FOXN3: variants seen among roughly 807,000 people sequenced by gnomAD.
FOXN3 encodes forkhead box protein N3.
A neutral mutation model predicts 38.4 loss-of-function variants in FOXN3; 7 were observed. The observed-to-expected ratio is 0.18, with a 90% CI of 0.10 to 0.34. The LOEUF (loss-of-function observed/expected upper bound fraction) is 0.34. FOXN3 is among the 10% of genes least tolerant of loss of function. The pLI is 1.00. For synonymous variants in FOXN3, 230 were observed against 242.2 expected, an observed-to-expected ratio of 0.95 and a Z score of 0.47; for missense variants, 456 against 613.4, an observed-to-expected ratio of 0.74 and a Z score of 2.71.
chr14:89,526,408 G>A lies in FOXN3; in HGVS notation c.-15+92620C>T, dbSNP rs543016215. On this transcript the variant is annotated intron_variant, in intron 1 of 6. Transcript: ENST00000345097. ...ATCCTAGAACTAGTAAGTGAGTTCAGCAAGATTGCAAGATACAACATCAAT... is the reference window on the plus strand; with the variant it reads ...ATCCTAGAACTAGTAAGTGAGTTCAACAAGATTGCAAGATACAACATCAAT... Among the ~76,000 whole-genome samples, 45 of 152,248 alleles carry A rather than the reference G, an allele frequency of 3.0e-4. 1 individual carries two copies. In the South Asian group the frequency reaches 8.1e-3, roughly 27 times the overall value.
At chr14:89,213,089 C>T (rs548819251) in intron 4 of FOXN3, among the ~76,000 whole-genome samples, 2 of 152,262 alleles carry the variant, frequency 1.3e-5, no homozygotes, top group African/African-American at 2.4e-5. Flanking sequence ...AAGGCCTCCC[C>T]GTCCAACATC....
chr14:89,352,416 A>C (rs1232325089), intron 2 of FOXN3, among the ~76,000 whole-genome samples: 1 of 152,122 alleles, frequency 6.6e-6, no homozygotes, highest in Non-Finnish European at 1.5e-5. Flanking sequence ...AGAAAGCCAA[A>C]AGCTAAGGAG....
At chr14:89,310,046 C>A (rs1272721044) in intron 3 of FOXN3, among the ~76,000 whole-genome samples, 1 of 152,194 alleles carries the variant, frequency 6.6e-6, no homozygotes, top group Non-Finnish European at 1.5e-5. Context: ...ATGCTCCTGG[C>A]CAGCGAGCAC....
intron 4 of FOXN3, among the ~76,000 whole-genome samples, chr14:89,239,467 G>C (rs1202468995): frequency 6.6e-6 from 1 of 152,188 alleles, no homozygotes; most frequent in South Asian, 2.1e-4. Context: ...GAAACTGCAT[G>C]GGATTTATGT....
chr14:89,236,528 G>A (rs893314754), intron 4 of FOXN3, among the ~76,000 whole-genome samples: 34 of 152,126 alleles, frequency 2.2e-4, no homozygotes, highest in African/African-American at 7.5e-4. Flanking sequence ...AAAATAAAAA[G>A]AAAGTAGCAC....
At chr14:89,303,385 T>C (rs1377800379) in intron 3 of FOXN3, among the ~76,000 whole-genome samples, 1 of 151,858 alleles carries the variant, frequency 6.6e-6, no homozygotes, top group Non-Finnish European at 1.5e-5. Context: ...CAGGGTATTA[T>C]AAGTTAGTTA....
chr14:89,617,454 TCA>T (rs1460131725), intron 1 of FOXN3, among the ~76,000 whole-genome samples: 2 of 152,274 alleles, frequency 1.3e-5, no homozygotes, highest in African/African-American at 2.4e-5. Flanking sequence ...CCTTTCACTG[TCA>T]CAGTTTTAGA....
chr14:89,519,696 TGGGGTG>T (rs549631239), intron 1 of FOXN3, among the ~76,000 whole-genome samples: 186 of 152,214 alleles, frequency 1.2e-3, no homozygotes, highest in African/African-American at 4.2e-3. Context: ...TAGCACTGAC[TGGGGTG>T]GAAGGGGGAC....
Position 89,433,325 on chromosome 14 carries a change from T to C in FOXN3, c.-14-20835A>G, listed in dbSNP as rs1892203690. On this transcript the variant is annotated intron_variant, in intron 1 of 6. Coordinates refer to the FOXN3 transcript ENST00000345097. ...GGTGAAACCCCATCTCTACTAAAAA[T>C]ACAAAAATTAGTTGGGCGTGGTGGT... Among the ~76,000 whole-genome samples the C allele has an allele frequency of 3.3e-5, 5 of 152,046 alleles. No homozygotes were observed. In the South Asian group the frequency reaches 8.3e-4, roughly 25 times the overall value.
At chr14:89,408,275 A>AT (rs558572660) in intron 2 of FOXN3, among the ~76,000 whole-genome samples, 4,742 of 144,762 alleles carry the variant, frequency 0.033, 193 homozygotes, top group African/African-American at 0.11. Flanking sequence ...GAAAACGGGA[A>AT]TTTTTTTTTT....
intron 1 of FOXN3, among the ~76,000 whole-genome samples, chr14:89,531,591 AG>A (rs1417522319): frequency 6.6e-6 from 1 of 152,202 alleles, no homozygotes; most frequent in Non-Finnish European, 1.5e-5. Flanking sequence ...TGATGTTGCA[AG>A]GAGTTAAAAG....
chr14:89,190,506 G>T (rs1278311882), intron 4 of FOXN3: 23 of 1,361,582 alleles, frequency 1.7e-5, no homozygotes, highest in Non-Finnish European at 2.2e-5. Context: ...GTGTGTGTGT[G>T]TTTTTCCCCC....
intron 4 of FOXN3, among the ~76,000 whole-genome samples, chr14:89,245,929 C>A (rs17125554): frequency 0.038 from 5,723 of 152,208 alleles, 327 homozygotes; most frequent in African/African-American, 0.13. Context: ...ACTTGCTAAT[C>A]AGAGTGCTGA....
intron 2 of FOXN3, among the ~76,000 whole-genome samples, chr14:89,388,898 C>A (rs1200124074): frequency 2.0e-5 from 3 of 151,950 alleles, no homozygotes; most frequent in Admixed American, 6.6e-5. Flanking sequence ...AGAGCACAGG[C>A]CCCGCACTGT....
At chr14:89,605,063 G>A (rs576791743) in intron 1 of FOXN3, among the ~76,000 whole-genome samples, 1 of 151,692 alleles carries the variant, frequency 6.6e-6, no homozygotes, top group Non-Finnish European at 1.5e-5. Context: ...GATGAAGGGG[G>A]TGGGTTGGGG....
intron 1 of FOXN3, among the ~76,000 whole-genome samples, chr14:89,433,636 C>T (rs541491279): frequency 6.6e-6 from 1 of 151,934 alleles, no homozygotes; most frequent in African/African-American, 2.4e-5. Context: ...AACTCTGTCT[C>T]TACTAAAAAT....
At chr14:89,274,082 G>C (rs143913423) in intron 4 of FOXN3, among the ~76,000 whole-genome samples, 3 of 152,298 alleles carry the variant, frequency 2.0e-5, no homozygotes, top group East Asian at 3.9e-4. Context: ...AGAGGCCAAA[G>C]AGCCCAGGGG....
intron 2 of FOXN3, among the ~76,000 whole-genome samples, chr14:89,384,517 A>G (rs1451377094): frequency 6.6e-6 from 1 of 152,228 alleles, no homozygotes; most frequent in Non-Finnish European, 1.5e-5. Flanking sequence ...TCATTCATAT[A>G]ACATGGTTTC....
chr14:89,568,874 C>G (rs1014431346), intron 1 of FOXN3, among the ~76,000 whole-genome samples: 1 of 152,206 alleles, frequency 6.6e-6, no homozygotes, highest in Non-Finnish European at 1.5e-5. Context: ...TTGGCCCTTT[C>G]TTAGATAAAC....
Sources: gnomAD v4.1 joint callset for allele counts (sites outside exome capture counted in the v4.1 genomes callset) on GRCh38, gnomAD v4.1.1 for gene constraint, MANE v1.5 for transcripts, NCBI Gene and HGNC (gene_info 2026-07-23, HGNC 2026-07-21) for gene names.